LIPC: variants seen among roughly 807,000 people sequenced by gnomAD.
The protein encoded by LIPC is hepatic triacylglycerol lipase.
LIPC carries 44 observed loss-of-function variants against 50.7 expected under a neutral mutation model. The ratio of observed to expected loss-of-function variants is 0.87; its 90% confidence interval spans 0.68 to 1.11. The LOEUF (loss-of-function observed/expected upper bound fraction) is 1.11. Among genes scored for constraint, LIPC ranks in the 50% most tolerant of loss-of-function variants. The pLI is 0.00. For missense variants in LIPC, 697 were observed against 648.2 expected (o/e 1.08, Z -0.82); for synonymous variants, 271 against 256.4 (o/e 1.06, Z -0.54).
intron 7 of LIPC, among the ~76,000 whole-genome samples, chr15:58,561,805 G>T (rs1023346072): frequency 6.6e-6 from 1 of 152,188 alleles, no homozygotes; most frequent in African/African-American, 2.4e-5. Flanking sequence ...TAAAATCTGG[G>T]TTTTAATGTT....
chr15:58,536,949 C>G (rs1489251816), intron 1 of LIPC, among the ~76,000 whole-genome samples: 1 of 152,160 alleles, frequency 6.6e-6, no homozygotes, highest in Non-Finnish European at 1.5e-5. Context: ...ACCAAAAGCC[C>G]AAGACATATT....
intron 1 of LIPC, among the ~76,000 whole-genome samples, chr15:58,491,935 AC>A (rs752007368): frequency 4.6e-5 from 7 of 152,208 alleles, no homozygotes; most frequent in Non-Finnish European, 7.4e-5. Context: ...CTCTGCCCAC[AC>A]TTTCACACAT....
At chr15:58,549,135 C>T (rs1367316134) in intron 6 of LIPC, among the ~76,000 whole-genome samples, 1 of 152,174 alleles carries the variant, frequency 6.6e-6, no homozygotes, top group Non-Finnish European at 1.5e-5. Flanking sequence ...CCCAGCAGCT[C>T]TCTGGATTGA....
chr15:58,554,063 A>G (rs1481265446), intron 6 of LIPC, among the ~76,000 whole-genome samples: 2 of 152,206 alleles, frequency 1.3e-5, no homozygotes, highest in Non-Finnish European at 2.9e-5. Flanking sequence ...GCCAACATCT[A>G]ATGATTCAGA....
intron 1 of LIPC, among the ~76,000 whole-genome samples, chr15:58,452,583 A>G (rs1893942455): frequency 6.6e-6 from 1 of 152,240 alleles, no homozygotes; most frequent in Non-Finnish European, 1.5e-5. Flanking sequence ...ACTTTATTCT[A>G]AAGCCTCAAT....
intron 1 of LIPC, among the ~76,000 whole-genome samples, chr15:58,499,250 T>C (rs1471944287): frequency 6.6e-6 from 1 of 152,184 alleles, no homozygotes; most frequent in Non-Finnish European, 1.5e-5. Context: ...CTCTAAACAA[T>C]GCCTTTGGGG....
intron 8 of LIPC, chr15:58,565,914 A>AC (rs1894350739): frequency 4.1e-5 from 3 of 73,116 alleles, no homozygotes; most frequent in Non-Finnish European, 5.0e-5. Flanking sequence ...CGGAGAATAC[A>AC]AAAAAAAAAA....
chr15:58,463,027 G>A (rs185042042), intron 1 of LIPC, among the ~76,000 whole-genome samples: 2 of 152,334 alleles, frequency 1.3e-5, no homozygotes, highest in African/African-American at 2.4e-5. Flanking sequence ...CCAAGAAGTC[G>A]ATTCCAATCT....
At chr15:58,565,780 T>C (rs1894345204) in intron 8 of LIPC, 3 of 986,960 alleles carry the variant, frequency 3.0e-6, no homozygotes, top group Non-Finnish European at 2.4e-6. Flanking sequence ...CATTAACATA[T>C]GTATGCATCA....
chr15:58,485,645 C>T (rs1453791911), intron 1 of LIPC, among the ~76,000 whole-genome samples: 1 of 152,214 alleles, frequency 6.6e-6, no homozygotes, highest in Admixed American at 6.5e-5. Context: ...ATTTGGATCT[C>T]ACAACATCTC....
chr15:58,500,693 A>AT (rs1289384702), intron 1 of LIPC, among the ~76,000 whole-genome samples: 3 of 151,830 alleles, frequency 2.0e-5, no homozygotes, highest in Non-Finnish European at 4.4e-5. Context: ...GCCCTGTTAA[A>AT]TTTTGTCTTT....
intron 8 of LIPC, chr15:58,565,104 C>T (rs1481749610): frequency 1.6e-6 from 2 of 1,232,934 alleles, no homozygotes; most frequent in East Asian, 5.0e-5. Context: ...TATACAACCG[C>T]ACTCTGAGAT....
Position 58,496,846 on chromosome 15 carries a change from G to A in LIPC, c.89-41487G>A, listed in dbSNP as rs887567694. On this transcript the variant is annotated intron_variant, in intron 1 of 8. Transcript: ENST00000299022. ...ATTACAGGTCTGCGCCACTGCACCC[G>A]GCTCATTTTTGTATTTTTAGTAGAG... is the stretch of plus-strand genomic sequence containing the variant. Among the ~76,000 whole-genome samples, 10 of 151,594 alleles carry A rather than the reference G, an allele frequency of 6.6e-5. 1 individual carries two copies. The South Asian group carries it at 1.5e-3, about 22-fold the overall frequency.
chr15:58,476,228 G>A (rs2033440591), intron 1 of LIPC, among the ~76,000 whole-genome samples: 1 of 152,262 alleles, frequency 6.6e-6, no homozygotes, highest in South Asian at 2.1e-4. Flanking sequence ...CAGGTTCTCA[G>A]AGTCTCTGGT....
At chr15:58,528,599 C>T (rs1181509309) in intron 1 of LIPC, among the ~76,000 whole-genome samples, 4 of 152,108 alleles carry the variant, frequency 2.6e-5, no homozygotes, top group East Asian at 3.9e-4. Context: ...GTCTCGACCT[C>T]GCTCAGGTGA....
intron 6 of LIPC, 132 bp from the exon 7 acceptor site, chr15:58,560,732 A>G (rs1201234336): frequency 1.1e-5 from 7 of 621,468 alleles, no homozygotes; most frequent in Non-Finnish European, 2.0e-5. Context: ...GAGCAAAAAA[A>G]TGTTGTTAAC....
At chr15:58,521,066 A>G (rs1892637421) in intron 1 of LIPC, among the ~76,000 whole-genome samples, 1 of 152,114 alleles carries the variant, frequency 6.6e-6, no homozygotes, top group African/African-American at 2.4e-5. Flanking sequence ...TCATTCCTAG[A>G]GGGCGGACAG....
At chr15:58,489,393 C>G (rs1891502438) in intron 1 of LIPC, among the ~76,000 whole-genome samples, 1 of 152,140 alleles carries the variant, frequency 6.6e-6, no homozygotes, top group African/African-American at 2.4e-5. Context: ...ACAGTTATTA[C>G]TCCAATCAGT....
intron 1 of LIPC, among the ~76,000 whole-genome samples, chr15:58,472,594 AT>A (rs1252047363): frequency 2.7e-5 from 4 of 150,528 alleles, no homozygotes; most frequent in African/African-American, 9.8e-5. Context: ...AAAAAAAAAA[AT>A]CTTGCCCCTT....
Sources: gnomAD v4.1 joint callset for allele counts (sites outside exome capture counted in the v4.1 genomes callset) on GRCh38, gnomAD v4.1.1 for gene constraint, MANE v1.5 for transcripts, NCBI Gene and HGNC (gene_info 2026-07-23, HGNC 2026-07-21) for gene names.